The following MACROD2 variants were observed in gnomAD, a reference collection of about 807,000 sequenced individuals.
The protein encoded by MACROD2 is ADP-ribose glycohydrolase MACROD2.
MACROD2 carries 36 observed loss-of-function variants against 70.4 expected under a neutral mutation model. The ratio of observed to expected loss-of-function variants is 0.51; its 90% CI spans 0.39 to 0.68. MACROD2 has a LOEUF of 0.68. Among genes scored for constraint, MACROD2 ranks in the 30% least tolerant of loss-of-function variants. The pLI is 0.00. For missense variants in MACROD2, 496 were observed against 538.4 expected (o/e 0.92, Z 0.78); for synonymous variants, 172 against 178.8 (o/e 0.96, Z 0.30).
intron 7 of MACROD2, among the ~76,000 whole-genome samples, chr20:15,455,499 G>A (rs901395472): frequency 7.9e-5 from 12 of 152,152 alleles, no homozygotes; most frequent in African/African-American, 2.9e-4. Context: ...CCCTTTAGAT[G>A]TGTGATTTAT....
At chr20:15,269,510 T>C (rs2077327092) in intron 6 of MACROD2, among the ~76,000 whole-genome samples, 1 of 152,244 alleles carries the variant, frequency 6.6e-6, no homozygotes, top group Non-Finnish European at 1.5e-5. Flanking sequence ...TACTGATAAA[T>C]ACTGCTTTGC....
chr20:14,413,926 G>A (rs560103032), intron 3 of MACROD2, among the ~76,000 whole-genome samples: 1 of 151,732 alleles, frequency 6.6e-6, no homozygotes, highest in South Asian at 2.1e-4. Context: ...CAAAATAATG[G>A]TACTTGGTAC....
At chr20:14,159,345 A>G (rs560641448) in intron 3 of MACROD2, among the ~76,000 whole-genome samples, 1 of 152,198 alleles carries the variant, frequency 6.6e-6, no homozygotes, top group South Asian at 2.1e-4. Context: ...TAACAATATT[A>G]ATTCTTCCCA....
intron 2 of MACROD2, among the ~76,000 whole-genome samples, chr20:14,077,600 AAG>A (rs2053930256): frequency 6.6e-6 from 1 of 152,204 alleles, no homozygotes; most frequent in South Asian, 2.1e-4. Context: ...ATAAGGGAAA[AAG>A]AGTGTAATTT....
intron 5 of MACROD2, among the ~76,000 whole-genome samples, chr20:14,793,604 A>G (rs1389120403): frequency 6.6e-6 from 1 of 152,054 alleles, no homozygotes; most frequent in East Asian, 1.9e-4. Flanking sequence ...TACAAAGCCA[A>G]AAAGAGACCT....
Position 14,743,194 on chromosome 20 carries a change from G to A in MACROD2, c.418+58235G>A, listed in dbSNP as rs751810801. Among the ~76,000 whole-genome samples, 88 of 152,214 alleles carry A rather than the reference G, an allele frequency of 5.8e-4. 1 individual carries two copies. Among genetic ancestry groups the A allele is most frequent in the Middle Eastern group, 6.8e-3 (2 of 294 alleles). On this transcript the variant is annotated intron_variant, in intron 5 of 17. Transcript: ENST00000684519. ...TGATCTGAATTTTTACTTAGACACA[G>A]CTTTCCAATAACATATTGTGGTAGT...
At chr20:14,260,036 C>T (rs1202524942) in intron 3 of MACROD2, among the ~76,000 whole-genome samples, 2 of 152,200 alleles carry the variant, frequency 1.3e-5, no homozygotes, top group African/African-American at 2.4e-5. Context: ...TGTCATTTTA[C>T]TGACCCATAT....
intron 7 of MACROD2, among the ~76,000 whole-genome samples, chr20:15,438,176 A>C (rs1326767835): frequency 6.6e-6 from 1 of 151,874 alleles, no homozygotes; most frequent in Non-Finnish European, 1.5e-5. Context: ...AATGATTTAT[A>C]TTCCTCTGGG....
At chr20:15,684,867 C>G (rs949613838) in intron 8 of MACROD2, among the ~76,000 whole-genome samples, 1 of 152,004 alleles carries the variant, frequency 6.6e-6, no homozygotes, top group Admixed American at 6.6e-5. Context: ...CCATACATAG[C>G]GTTATTATTT....
chr20:14,601,885 C>T (rs1427675649), intron 4 of MACROD2, among the ~76,000 whole-genome samples: 1 of 152,152 alleles, frequency 6.6e-6, no homozygotes, highest in Non-Finnish European at 1.5e-5. Flanking sequence ...TTTTCTAACA[C>T]CCCCTTCCTA....
intron 3 of MACROD2, among the ~76,000 whole-genome samples, chr20:14,179,462 C>T (rs1346092545): frequency 6.6e-6 from 1 of 152,106 alleles, no homozygotes; most frequent in African/African-American, 2.4e-5. Context: ...TCTTCATTTT[C>T]ATTGTTAGCA....
At position 14,681,577 on chromosome 20, in the gene MACROD2, C is replaced by T. The variant is rs111286087; in HGVS notation, c.302-3266C>T. Among the ~76,000 whole-genome samples the T allele has an allele frequency of 7.1e-3, 1,075 of 152,186 alleles. 10 individuals carry two copies. The highest frequency in any genetic ancestry group is 0.024 in the African/African-American group (1,013 of 41,532). On this transcript the variant is annotated intron_variant, in intron 4 of 17. Transcript: ENST00000684519. ...ATCAAAGTCAGAACAGGAACTCCCT[C>T]TGGGTGAGGGGAGGGGAAATTGAAT...
intron 4 of MACROD2, among the ~76,000 whole-genome samples, chr20:14,521,759 C>T (rs1190193272): frequency 6.6e-6 from 1 of 152,166 alleles, no homozygotes; most frequent in Non-Finnish European, 1.5e-5. Flanking sequence ...AGTACAAGCC[C>T]TGGTTGTCAC....
intron 4 of MACROD2, among the ~76,000 whole-genome samples, chr20:14,553,532 T>C (rs1339906496): frequency 1.3e-5 from 2 of 152,064 alleles, no homozygotes; most frequent in South Asian, 2.1e-4. Context: ...CTGTAAATAA[T>C]TGTATGTACT....
intron 17 of MACROD2, among the ~76,000 whole-genome samples, chr20:16,047,495 G>A (rs956855732): frequency 3.3e-5 from 5 of 152,208 alleles, no homozygotes; most frequent in Non-Finnish European, 7.3e-5. Context: ...GGCAGACTGA[G>A]TGTGGCTTCT....
chr20:14,581,243 T>G (rs1980997625), intron 4 of MACROD2, among the ~76,000 whole-genome samples: 1 of 152,228 alleles, frequency 6.6e-6, no homozygotes, highest in African/African-American at 2.4e-5. Context: ...TGTCTCAACC[T>G]TAGCTGCATA....
chr20:14,211,004 A>G (rs1037101489), intron 3 of MACROD2, among the ~76,000 whole-genome samples: 4 of 152,234 alleles, frequency 2.6e-5, no homozygotes, highest in Non-Finnish European at 5.9e-5. Context: ...GTCTACAAGC[A>G]TGATACTTTT....
intron 4 of MACROD2, among the ~76,000 whole-genome samples, chr20:14,496,518 G>A (rs1016651512): frequency 1.3e-5 from 2 of 152,118 alleles, no homozygotes; most frequent in Non-Finnish European, 2.9e-5. Flanking sequence ...CATCCTCTCA[G>A]TGCTGATTTT....
chr20:15,460,102 T>C (rs2046787219), intron 7 of MACROD2, among the ~76,000 whole-genome samples: 1 of 152,152 alleles, frequency 6.6e-6, no homozygotes, highest in Non-Finnish European at 1.5e-5. Context: ...ACGACTATTG[T>C]TTCTGCTGTA....
Sources: gnomAD v4.1 joint callset for allele counts (sites outside exome capture counted in the v4.1 genomes callset) on GRCh38, gnomAD v4.1.1 for gene constraint, MANE v1.5 for transcripts, NCBI Gene and HGNC (gene_info 2026-07-23, HGNC 2026-07-21) for gene names.